Variants in KIAA0319 observed in about 807,000 individuals in gnomAD.
KIAA0319 encodes the protein KIAA0319, also known as dyslexia-associated protein KIAA0319.
A neutral mutation model predicts 108.4 loss-of-function variants in KIAA0319; 83 were observed. That is an observed-to-expected ratio of 0.77 (90% CI 0.64 to 0.92). The LOEUF (loss-of-function observed/expected upper bound fraction) is 0.92, where lower values mean the gene tolerates loss of function less well. Among genes scored for constraint, KIAA0319 ranks in the 40% least tolerant of loss-of-function variants. KIAA0319 has a pLI of 0.00. For missense variants in KIAA0319, 1,195 were observed against 1,322.4 expected (o/e 0.90, Z 1.49); for synonymous variants, 484 against 510.4 (o/e 0.95, Z 0.70).
chr6:24,633,343 A>G (rs920697423), intron 1 of KIAA0319, among the ~76,000 whole-genome samples: 1 of 152,250 alleles, frequency 6.6e-6, no homozygotes, highest in African/African-American at 2.4e-5. Flanking sequence ...TTTAAACATA[A>G]TCATAAAACT....
chr6:24,576,611 A>G lies in KIAA0319; in HGVS notation c.1506-15T>C. On this transcript the variant is annotated splice_polypyrimidine_tract_variant and intron_variant, in intron 9 of 20. Coordinates refer to ENST00000378214, the MANE Select transcript of KIAA0319 (RefSeq NM_014809.4). ...TAACAGTCAACCTACAAAAAGGAGAAGAAGCCGTAGTTGGAAGAATATGCC... is the reference window on the plus strand; with the variant it reads ...TAACAGTCAACCTACAAAAAGGAGAGGAAGCCGTAGTTGGAAGAATATGCC... 2 of 1,603,584 alleles carry G rather than the reference A, an allele frequency of 1.2e-6. No individual in the cohort carries two copies. Among genetic ancestry groups the G allele is most frequent in the Non-Finnish European group, 1.7e-6 (2 of 1,170,468 alleles).
intron 2 of KIAA0319, chr6:24,600,816 T>C (rs759516542): frequency 2.0e-4 from 148 of 751,726 alleles, no homozygotes; most frequent in Admixed American, 5.8e-4. Context: ...TTTCCTAGTA[T>C]ATATGAAATG....
intron 10 of KIAA0319, among the ~76,000 whole-genome samples, chr6:24,574,782 A>G (rs1388338314): frequency 1.3e-5 from 2 of 151,704 alleles, no homozygotes; most frequent in East Asian, 3.9e-4. Context: ...TTTGAAATGC[A>G]CCCTTTTAAG....
chr6:24,621,925 G>A (rs943670221), intron 1 of KIAA0319, among the ~76,000 whole-genome samples: 1 of 152,182 alleles, frequency 6.6e-6, no homozygotes, highest in Non-Finnish European at 1.5e-5. Flanking sequence ...ACGAAAAACA[G>A]ATCTCAAGCT....
intron 5 of KIAA0319, 128 bp from the exon 6 acceptor site, chr6:24,582,474 C>CTT (rs72007936): frequency 1.3e-4 from 29 of 218,640 alleles, no homozygotes; most frequent in Middle Eastern, 1.1e-3. Context: ...ACTCAGCTTT[C>CTT]TTTTTTTTTT....
intron 11 of KIAA0319, among the ~76,000 whole-genome samples, chr6:24,570,398 C>T (rs902945997): frequency 1.4e-4 from 22 of 152,110 alleles, no homozygotes; most frequent in Non-Finnish European, 2.8e-4. Context: ...ACCATCCTGG[C>T]TAACACGGTG....
At chr6:24,586,243 G>A (rs1767466343) in intron 4 of KIAA0319, among the ~76,000 whole-genome samples, 1 of 152,196 alleles carries the variant, frequency 6.6e-6, no homozygotes, top group African/African-American at 2.4e-5. Flanking sequence ...TTCACAGACT[G>A]TAGGAAACTA....
At chr6:24,579,464 C>CAT (rs963609619) in intron 8 of KIAA0319, among the ~76,000 whole-genome samples, 26 of 138,928 alleles carry the variant, frequency 1.9e-4, no homozygotes, top group South Asian at 6.5e-4. Flanking sequence ...TTATATATCT[C>CAT]ATATATATAT....
chr6:24,631,779 T>C (rs745345194), intron 1 of KIAA0319, among the ~76,000 whole-genome samples: 3 of 152,260 alleles, frequency 2.0e-5, no homozygotes, highest in Non-Finnish European at 4.4e-5. Flanking sequence ...TGTGCTATAG[T>C]AAGTAAATTA....
rs114292941 is a variant in KIAA0319, at chr6:24,545,222, C to T, written c.*1943G>A. On this transcript the variant is annotated 3_prime_UTR_variant, in exon 21 of 21. Coordinates refer to ENST00000378214, the MANE Select transcript of KIAA0319 (RefSeq NM_014809.4). The stretch of plus-strand genomic sequence containing the variant: ...AAAATTTGCATTCAGTTCTTGGAGC[C>T]ACTACTTCTTGGCCATGACCTCTGG... The T allele has an allele frequency of 1.3e-4, 20 of 152,306 alleles. No individual in the cohort carries two copies. The highest frequency in any genetic ancestry group is 2.2e-4 in the Non-Finnish European group (15 of 68,034). The allele number at this position is 152,306 out of a possible 1,614,324, so 9.4% of individuals were successfully genotyped here.
At chr6:24,621,310 C>T (rs1168719468) in intron 1 of KIAA0319, among the ~76,000 whole-genome samples, 3 of 152,154 alleles carry the variant, frequency 2.0e-5, no homozygotes. Context: ...CCTTAACACA[C>T]TCACTTTATT....
At chr6:24,595,546 C>CAAAAAAAAAAAAA (rs60291863) in intron 3 of KIAA0319, among the ~76,000 whole-genome samples, 1 of 43,276 alleles carries the variant, frequency 2.3e-5, no homozygotes, top group Non-Finnish European at 4.5e-5. Context: ...GATTCAATCT[C>CAAAAAAAAAAAAA]AAAAAAAAAA....
chr6:24,570,003 G>A lies in KIAA0319; in HGVS notation c.1891C>T (p.Pro631Ser), dbSNP rs1296675464. 1 of 1,613,888 alleles carries A rather than the reference G, an allele frequency of 6.2e-7. No homozygotes were observed. The highest frequency in any genetic ancestry group is 8.5e-7 in the Non-Finnish European group (1 of 1,179,960). The change falls in exon 12 of 21, where the codon CCT becomes TCT. Residue 631 changes from proline to serine, a missense_variant. Physicochemically the swap from Pro to Ser is moderately conservative, Grantham distance 74. Transcript: ENST00000378214. ...NNRPPVAVAGPDKELIFPVES... is the reference protein window; with the variant it reads ...NNRPPVAVAGSDKELIFPVES... ...ACTGGGAAGATCAGCTCTTTATCAG[G>A]GCCGGCCACAGCCACTGGAGGTCTA...
At chr6:24,585,649 C>T (rs1240858803) in intron 4 of KIAA0319, among the ~76,000 whole-genome samples, 5 of 152,212 alleles carry the variant, frequency 3.3e-5, no homozygotes, top group Non-Finnish European at 7.3e-5. Flanking sequence ...CAGTGAAAGA[C>T]TGATCAAAGA....
At chr6:24,553,566 C>A (rs975244220) in intron 19 of KIAA0319, among the ~76,000 whole-genome samples, 48 of 152,020 alleles carry the variant, frequency 3.2e-4, no homozygotes, top group Admixed American at 2.5e-3. Flanking sequence ...CATTCTCTGA[C>A]CTACTTTGTC....
At position 24,563,349 on chromosome 6, in the gene KIAA0319, C is replaced by T. The variant is rs767150026; in HGVS notation, c.2591+10G>A. The T allele has an allele frequency of 6.2e-7, 1 of 1,608,230 alleles. No individual in the cohort carries two copies. The highest frequency in any genetic ancestry group is 8.5e-7 in the Non-Finnish European group (1 of 1,176,798). On this transcript the variant is annotated intron_variant, in intron 16 of 20. Coordinates refer to ENST00000378214, the MANE Select transcript of KIAA0319 (RefSeq NM_014809.4). ...CGGCCAAGGCCCCGCCTTGAGTGTG[C>T]AGCTCCTACCTGAGATCCGAGTGGG...
At chr6:24,606,046 T>C (rs1184609479) in intron 1 of KIAA0319, among the ~76,000 whole-genome samples, 1 of 152,128 alleles carries the variant, frequency 6.6e-6, no homozygotes, top group East Asian at 1.9e-4. Flanking sequence ...AGCGATTTCC[T>C]GCCTCAGCCT....
intron 16 of KIAA0319, among the ~76,000 whole-genome samples, chr6:24,562,377 A>G (rs1484730007): frequency 6.6e-5 from 10 of 152,206 alleles, no homozygotes. Context: ...TAATTAGAAC[A>G]TGTTTAAATT....
chr6:24,636,866 C>G (rs1332670216), intron 1 of KIAA0319, among the ~76,000 whole-genome samples: 1 of 151,358 alleles, frequency 6.6e-6, no homozygotes, highest in Non-Finnish European at 1.5e-5. Flanking sequence ...AGATAATAAA[C>G]AGCAGAAAAA....
Sources: gnomAD v4.1 joint callset for allele counts (sites outside exome capture counted in the v4.1 genomes callset) on GRCh38, gnomAD v4.1.1 for gene constraint, MANE v1.5 for transcripts, NCBI Gene and HGNC (gene_info 2026-07-23, HGNC 2026-07-21) for gene names.